PCBP3: variants seen among roughly 807,000 people sequenced by gnomAD.
PCBP3 encodes poly(rC)-binding protein 3.
PCBP3 carries 25 observed loss-of-function variants against 52.7 expected under a neutral mutation model. The observed-to-expected ratio is 0.47, with a 90% CI of 0.35 to 0.66. The LOEUF (loss-of-function observed/expected upper bound fraction) is 0.66, where lower values mean the gene tolerates loss of function less well. Among genes scored for constraint, PCBP3 ranks in the 30% least tolerant of loss-of-function variants. PCBP3 has a pLI of 0.01. For synonymous variants in PCBP3, 162 were observed against 183.0 expected, an observed-to-expected ratio of 0.89 and a Z score of 0.93; for missense variants, 391 against 490.3, an observed-to-expected ratio of 0.80 and a Z score of 1.91.
At chr21:45,688,920 T>C (rs2082308251) in intron 2 of PCBP3, among the ~76,000 whole-genome samples, 1 of 151,192 alleles carries the variant, frequency 6.6e-6, no homozygotes, top group South Asian at 2.1e-4. Context: ...GACACAAAAA[T>C]CTGAAAAGCT....
At chr21:45,675,204 G>T (rs1043183100) in intron 2 of PCBP3, among the ~76,000 whole-genome samples, 5 of 152,208 alleles carry the variant, frequency 3.3e-5, no homozygotes, top group Non-Finnish European at 1.5e-5. Flanking sequence ...GTATGTGGGG[G>T]CAGTGGGGTG....
At position 45,935,308 on chromosome 21, in the gene PCBP3, G is replaced by C. The variant is rs1167081763; in HGVS notation, c.909+3G>C. The C allele has an allele frequency of 6.2e-7, 1 of 1,609,538 alleles. No homozygotes were observed. The highest frequency in any genetic ancestry group is 1.3e-5 in the African/African-American group (1 of 74,772). On this transcript the variant is annotated splice_donor_region_variant and intron_variant, in intron 16 of 17. Transcript: ENST00000681687. ...ATGAGCTCACCATTCCCAATGATGT[G>C]AGTATGCCCGCTGTACCTGCCTGTC...
intron 10 of PCBP3, 35 bp from the exon 11 acceptor site, chr21:45,910,867 C>A: frequency 6.4e-7 from 1 of 1,567,148 alleles, no homozygotes; most frequent in Non-Finnish European, 8.6e-7. Flanking sequence ...TGCGCTGCTA[C>A]CCTGGTGCTC....
At chr21:45,932,719 G>T (rs2149524559) in intron 15 of PCBP3, among the ~76,000 whole-genome samples, 1 of 151,330 alleles carries the variant, frequency 6.6e-6, no homozygotes, top group Non-Finnish European at 1.5e-5. Flanking sequence ...GAACACATTG[G>T]CCATGCTGTC....
intron 13 of PCBP3, among the ~76,000 whole-genome samples, chr21:45,923,624 A>G (rs906450884): frequency 6.6e-6 from 1 of 152,236 alleles, no homozygotes; most frequent in African/African-American, 2.4e-5. Flanking sequence ...AGGCCTGAGA[A>G]GGAAGAACAT....
chr21:45,913,881 C>A, intron 11 of PCBP3, 70 bp from the exon 12 acceptor site: 1 of 1,415,838 alleles, frequency 7.1e-7, no homozygotes, highest in Non-Finnish European at 9.7e-7. Context: ...TGGGCCGGGG[C>A]ACGCCTCCCC....
intron 1 of PCBP3, among the ~76,000 whole-genome samples, chr21:45,646,107 C>CTCTCTGTG (rs1555895746): frequency 1.3e-3 from 107 of 83,816 alleles, no homozygotes; most frequent in African/African-American, 1.9e-3. Flanking sequence ...CTCTCTCTCT[C>CTCTCTGTG]TGTGTGTGTG....
At chr21:45,879,190 G>T (rs1248086634) in intron 5 of PCBP3, among the ~76,000 whole-genome samples, 1 of 152,090 alleles carries the variant, frequency 6.6e-6, no homozygotes, top group Admixed American at 6.5e-5. Flanking sequence ...TCTCTGTGTT[G>T]CCCGGGCTGG....
intron 3 of PCBP3, chr21:45,751,548 C>G (rs1042800672): frequency 1.3e-5 from 2 of 152,444 alleles, no homozygotes; most frequent in African/African-American, 4.8e-5. Context: ...GTGCTGCGTC[C>G]TCGTCTGGGT....
At chr21:45,823,289 C>T (rs2093201652) in intron 4 of PCBP3, among the ~76,000 whole-genome samples, 2 of 152,176 alleles carry the variant, frequency 1.3e-5, no homozygotes, top group Non-Finnish European at 2.9e-5. Context: ...CTCTGCTGTG[C>T]CAGGAACACA....
At chr21:45,849,933 C>A in intron 4 of PCBP3, 28 bp from the exon 5 acceptor site, 2 of 719,348 alleles carry the variant, frequency 2.8e-6, no homozygotes, top group South Asian at 3.2e-5. Flanking sequence ...CTGGTGCGCT[C>A]ACACAGCCCT....
chr21:45,773,436 G>A (rs2090029092), intron 4 of PCBP3, among the ~76,000 whole-genome samples: 1 of 152,074 alleles, frequency 6.6e-6, no homozygotes, highest in South Asian at 2.1e-4. Context: ...CAGCTTTGTT[G>A]AAGATTATGT....
chr21:45,852,384 TGTA>T (rs879582470), intron 5 of PCBP3, among the ~76,000 whole-genome samples: 12,017 of 143,776 alleles, frequency 0.084, 4,314 homozygotes, highest in East Asian at 0.2. Context: ...AACACAGCCC[TGTA>T]GCCACCCTGA....
At chr21:45,727,843 G>A (rs997757755) in intron 2 of PCBP3, among the ~76,000 whole-genome samples, 9 of 152,196 alleles carry the variant, frequency 5.9e-5, no homozygotes, top group African/African-American at 2.2e-4. Flanking sequence ...AGCCCTGGAT[G>A]TCAAAGCATC....
Position 45,917,384 on chromosome 21 carries a change from CG to C in PCBP3, c.676-203del. ...CTGAACTGGCCAGCTCAGCTCTGCC[CG>C]CCCAGAGGAAGTGGGTGCGGCTCCC... On this transcript the variant is annotated intron_variant, in intron 12 of 17. Coordinates refer to ENST00000681687, the MANE Select transcript of PCBP3 (RefSeq NM_001384156.1). The surrounding 1 kb of genome is among the most constrained non-coding windows in gnomAD (Gnocchi z 5.3). 1 of 503,574 alleles carries C rather than the reference CG, an allele frequency of 2.0e-6. No homozygotes were observed. Among genetic ancestry groups the C allele is most frequent in the Non-Finnish European group, 3.6e-6 (1 of 275,812 alleles). The allele number at this position is 503,574 out of a possible 1,614,324, so 31.2% of individuals were successfully genotyped here.
At chr21:45,781,413 A>ATATT (rs924301661) in intron 4 of PCBP3, among the ~76,000 whole-genome samples, 1 of 152,218 alleles carries the variant, frequency 6.6e-6, no homozygotes, top group African/African-American at 2.4e-5. Flanking sequence ...GTACATAAAT[A>ATATT]GATGCTCAGC....
intron 4 of PCBP3, among the ~76,000 whole-genome samples, chr21:45,789,287 G>A (rs762659096): frequency 2.6e-5 from 4 of 152,242 alleles, no homozygotes; most frequent in Admixed American, 1.3e-4. Flanking sequence ...GATTGTGCAC[G>A]TAGTGTACCC....
At chr21:45,825,875 ATCC>A (rs1389707851) in intron 4 of PCBP3, among the ~76,000 whole-genome samples, 1 of 152,190 alleles carries the variant, frequency 6.6e-6, no homozygotes, top group Non-Finnish European at 1.5e-5. Flanking sequence ...ATGGAAATAA[ATCC>A]AAATGACTTT....
intron 5 of PCBP3, among the ~76,000 whole-genome samples, chr21:45,892,148 G>C (rs57294193): frequency 6.6e-6 from 1 of 152,186 alleles, no homozygotes; most frequent in African/African-American, 2.4e-5. Context: ...TAGCAGGACC[G>C]CGGCGTCCTT....
Sources: allele counts gnomAD v4.1 joint callset (sites outside exome capture counted in the v4.1 genomes callset), GRCh38; gene constraint gnomAD v4.1.1; non-coding constraint Gnocchi (gnomAD v3.1); transcripts MANE v1.5; gene names NCBI Gene and HGNC (gene_info 2026-07-23, HGNC 2026-07-21).